Variants in ACADL observed in about 807,000 individuals in gnomAD.
ACADL encodes long-chain specific acyl-CoA dehydrogenase, mitochondrial.
In ACADL, 60 loss-of-function variants were observed where a neutral mutation model predicts 56.9. The ratio of observed to expected loss-of-function variants is 1.05; its 90% CI spans 0.86 to 1.31. The LOEUF (loss-of-function observed/expected upper bound fraction) is 1.31, where lower values mean the gene tolerates loss of function less well. ACADL is among the 50% of genes most tolerant of loss of function. The pLI is 0.00. For missense variants in ACADL, 484 were observed against 525.5 expected, an observed-to-expected ratio of 0.92 and a Z score of 0.77; for synonymous variants, 158 against 179.7, an observed-to-expected ratio of 0.88 and a Z score of 0.97.
At position 210,188,785 on chromosome 2, in the gene ACADL, C is replaced by A. The variant is rs1688586035; in HGVS notation, c.*176G>T. ...TTATATTGGAAAACTAGAATTTTGG[C>A]TTCAAAGATTTGTCCTTCCACTGTG... On this transcript the variant is annotated 3_prime_UTR_variant, in exon 11 of 11. Transcript: ENST00000233710. The A allele has an allele frequency of 7.2e-6, 4 of 553,046 alleles. No individual in the cohort carries two copies. In the South Asian group the frequency reaches 9.1e-5, roughly 13 times the overall value. The allele number at this position is 553,046 out of a possible 1,614,324, so 34.3% of individuals were successfully genotyped here. A position where few individuals can be genotyped will look rare whatever the true frequency, so the allele number is the denominator to read the frequency against.
chr2:210,196,209 C>T lies in ACADL; in HGVS notation c.985-871G>A, dbSNP rs570619101. On this transcript the variant is annotated intron_variant, in intron 8 of 10. Coordinates refer to ENST00000233710, the MANE Select transcript of ACADL (RefSeq NM_001608.4). ...GTGCTGTTGTTCCTCCTTCACCTTCCGCCATGATTATGAGGCCTCCCCAGC... is the reference window on the plus strand; with the variant it reads ...GTGCTGTTGTTCCTCCTTCACCTTCTGCCATGATTATGAGGCCTCCCCAGC... Among the ~76,000 whole-genome samples the T allele has an allele frequency of 9.9e-5, 15 of 152,052 alleles. No individual in the cohort carries two copies. The South Asian group carries it at 2.3e-3, about 23-fold the overall frequency.
In ACADL at chr2:210,188,359, T is replaced by A. The variant is rs1688579115; in HGVS notation, c.*602A>T. The A allele has an allele frequency of 6.5e-6, 1 of 153,080 alleles. No individual in the cohort carries two copies. Among genetic ancestry groups the A allele is most frequent in the South Asian group, 2.0e-4 (1 of 4,884 alleles). 9.5% of individuals were successfully genotyped at this position (153,080 alleles called of 1,614,324 possible). A position where few individuals can be genotyped will look rare whatever the true frequency, so the allele number is the denominator to read the frequency against. On this transcript the variant is annotated 3_prime_UTR_variant, in exon 11 of 11. Coordinates refer to ENST00000233710, the MANE Select transcript of ACADL (RefSeq NM_001608.4). ...CAAATACTTAGCTGAGTCCTAGGGGTTTCAAGGCAGTAAGGTATGATGGCT... is the reference window on the plus strand; with the variant it reads ...CAAATACTTAGCTGAGTCCTAGGGGATTCAAGGCAGTAAGGTATGATGGCT...
intron 5 of ACADL, 157 bp downstream of exon 5, chr2:210,210,032 TTAAGTAA>T: frequency 1.6e-6 from 1 of 617,470 alleles, no homozygotes; most frequent in South Asian, 1.9e-5. Flanking sequence ...ACCACAGATC[TTAAGTAA>T]TATATGTTGT....
chr2:210,218,651 T>C (rs1386828333), intron 2 of ACADL: 1 of 155,070 alleles, frequency 6.4e-6, no homozygotes, highest in Non-Finnish European at 1.4e-5. Flanking sequence ...ACTTGAAAAT[T>C]ATACCCACTG....
intron 6 of ACADL, 47 bp from the exon 7 acceptor site, chr2:210,204,729 T>C (rs773519370): frequency 2.9e-6 from 4 of 1,382,696 alleles, no homozygotes; most frequent in Middle Eastern, 1.8e-4. Flanking sequence ...ATTTAAATCT[T>C]CCAATAACCC....
At chr2:210,208,887 T>C (rs1688934319) in intron 5 of ACADL, among the ~76,000 whole-genome samples, 1 of 152,114 alleles carries the variant, frequency 6.6e-6, no homozygotes, top group African/African-American at 2.4e-5. Context: ...TCTAATAGAG[T>C]TTTTGAAACA....
intron 4 of ACADL, among the ~76,000 whole-genome samples, chr2:210,215,808 T>G (rs1689076112): frequency 6.6e-6 from 1 of 152,174 alleles, no homozygotes; most frequent in Admixed American, 6.6e-5. Flanking sequence ...CTTATCATAA[T>G]TTATAGCTAC....
At chr2:210,200,008 G>T (rs372581652) in intron 8 of ACADL, among the ~76,000 whole-genome samples, 5 of 152,144 alleles carry the variant, frequency 3.3e-5, no homozygotes, top group Non-Finnish European at 5.9e-5. Flanking sequence ...GCCTCCCAAC[G>T]TGCTGGGATT....
chr2:210,199,907 G>A (rs1282752157), intron 8 of ACADL, among the ~76,000 whole-genome samples: 4 of 152,012 alleles, frequency 2.6e-5, no homozygotes, highest in Admixed American at 6.6e-5. Context: ...ACCACACCTG[G>A]CTAATTTTTG....
At chr2:210,216,590 T>A in intron 3 of ACADL, 79 bp from the exon 4 acceptor site, 1 of 1,352,232 alleles carries the variant, frequency 7.4e-7, no homozygotes, top group South Asian at 1.2e-5. Context: ...TGTATTAAGG[T>A]CCTATCAAAT....
Position 210,201,216 on chromosome 2 carries a change from A to G in ACADL, c.984+2115T>C, listed in dbSNP as rs1039826040. ...TCTGTGAGGCAGGAGAACTGCTCGC[A>G]GGACTTTCTTTCACTTTGCTGAGAG... On this transcript the variant is annotated intron_variant, in intron 8 of 10. Transcript: ENST00000233710. Among the ~76,000 whole-genome samples the G allele has an allele frequency of 2.0e-5, 3 of 152,188 alleles. No homozygotes were observed. The East Asian group carries it at 5.8e-4, about 29-fold the overall frequency.
At chr2:210,214,509 A>AAGAAAGAG (rs1553690970) in intron 4 of ACADL, among the ~76,000 whole-genome samples, 215 of 18,930 alleles carry the variant, frequency 0.011, 3 homozygotes, top group Middle Eastern at 0.038. Flanking sequence ...GAAAGAAAGA[A>AAGAAAGAG]AAAGAAAGAA....
intron 4 of ACADL, among the ~76,000 whole-genome samples, chr2:210,211,965 G>A (rs906663142): frequency 3.3e-5 from 5 of 151,754 alleles, no homozygotes; most frequent in Admixed American, 6.6e-5. Flanking sequence ...CCAGTATCTG[G>A]GATTACAGGC....
intron 4 of ACADL, among the ~76,000 whole-genome samples, chr2:210,213,184 G>A (rs1689015824): frequency 6.6e-6 from 1 of 152,124 alleles, no homozygotes; most frequent in Non-Finnish European, 1.5e-5. Context: ...GGTAACTAAT[G>A]TCTGTACATA....
intron 10 of ACADL, among the ~76,000 whole-genome samples, chr2:210,190,528 C>T (rs528257115): frequency 2.0e-5 from 3 of 152,162 alleles, no homozygotes; most frequent in Admixed American, 2.0e-4. Context: ...CAGTGAAAGG[C>T]GGCAGCAGAA....
At chr2:210,208,053 C>T (rs1031210332) in intron 5 of ACADL, among the ~76,000 whole-genome samples, 4 of 152,216 alleles carry the variant, frequency 2.6e-5, no homozygotes, top group African/African-American at 9.6e-5. Context: ...GTCTACCAAG[C>T]TCCTACCTTT....
In ACADL at chr2:210,224,877, T is replaced by C. The variant is rs537346819; in HGVS notation, c.77+310A>G. The C allele has an allele frequency of 1.2e-4, 136 of 1,133,682 alleles. No individual in the cohort carries two copies. In the African/African-American group the frequency reaches 2.1e-3, roughly 18 times the overall value. The allele number at this position is 1,133,682 out of a possible 1,614,324, so 70.2% of individuals were successfully genotyped here. A position where few individuals can be genotyped will look rare whatever the true frequency, so the allele number is the denominator to read the frequency against. On this transcript the variant is annotated intron_variant, in intron 1 of 10. Transcript: ENST00000233710. ...GCTCCCGGGTCCCACTGCAGGCCGCTGAACTAGACGGGTTGGATTGGGGCT... is the reference window on the plus strand; with the variant it reads ...GCTCCCGGGTCCCACTGCAGGCCGCCGAACTAGACGGGTTGGATTGGGGCT...
At chr2:210,196,348 C>T (rs1688711067) in intron 8 of ACADL, among the ~76,000 whole-genome samples, 1 of 151,878 alleles carries the variant, frequency 6.6e-6, no homozygotes, top group African/African-American at 2.4e-5. Context: ...CCGTACCTCT[C>T]AATAGCTTGT....
At chr2:210,199,343 C>T (rs1445088614) in intron 8 of ACADL, among the ~76,000 whole-genome samples, 1 of 152,024 alleles carries the variant, frequency 6.6e-6, no homozygotes, top group African/African-American at 2.4e-5. Flanking sequence ...AATAATGTGA[C>T]CTGTGGAAGT....
Sources: allele counts gnomAD v4.1 joint callset (sites outside exome capture counted in the v4.1 genomes callset), GRCh38; gene constraint gnomAD v4.1.1; transcripts MANE v1.5; gene names NCBI Gene and HGNC (gene_info 2026-07-23, HGNC 2026-07-21).